RBP2: variants seen among roughly 807,000 people sequenced by gnomAD.
The protein encoded by RBP2 is retinol-binding protein 2.
A neutral mutation model predicts 17.0 loss-of-function variants in RBP2; 17 were observed. That is an observed-to-expected ratio of 1.00 (90% confidence interval 0.68 to 1.50). The LOEUF (loss-of-function observed/expected upper bound fraction) is 1.50, where lower values mean the gene tolerates loss of function less well. Among genes scored for constraint, RBP2 ranks in the 40% most tolerant of loss-of-function variants. The probability of loss-of-function intolerance (pLI) is 0.00; values close to 1 mark genes in which losing one functional copy is unlikely to be tolerated. For synonymous variants in RBP2, 48 were observed against 57.1 expected (o/e 0.84, Z 0.72); for missense variants, 158 against 168.2 (o/e 0.94, Z 0.33).
At position 139,462,178 on chromosome 3, in the gene RBP2, A is replaced by G. The variant is rs1479344439; in HGVS notation, c.186T>C (p.Asp62=). Residue 62 remains aspartate (D), a synonymous_variant, in exon 2 of 4, where the codon GAT becomes GAC. Coordinates refer to ENST00000232217, the MANE Select transcript of RBP2 (RefSeq NM_004164.3). ...ACTCTACTCCAACAGTGAAATCCACATCATAGTTGCGGAATGTGCTAGTGG... is the reference window on the plus strand; with the variant it reads ...ACTCTACTCCAACAGTGAAATCCACGTCATAGTTGCGGAATGTGCTAGTGG... ...TKTTSTFRNY[D]VDFTVGVEFD... 9 of 1,614,054 alleles carry G rather than the reference A, an allele frequency of 5.6e-6. No individual in the cohort carries two copies. The highest frequency in any genetic ancestry group is 5.5e-5 in the South Asian group (5 of 91,088).
Position 139,453,694 on chromosome 3 carries a change from G to T in RBP2, c.355-528C>A, listed in dbSNP as rs528196834. 2.6e-5 allele frequency among the ~76,000 whole-genome samples: 4 copies of T among 152,328 alleles called. No individual in the cohort carries two copies. The East Asian group carries it at 7.7e-4, about 29-fold the overall frequency. On this transcript the variant is annotated intron_variant, in intron 3 of 3. Coordinates refer to ENST00000232217, the MANE Select transcript of RBP2 (RefSeq NM_004164.3). ...CAAGGTCCCGCTTTTCATCCAGATA[G>T]AGGGAGCCCAGGCCTTATTTGACCC... is the stretch of plus-strand genomic sequence containing the variant.
chr3:139,454,888 C>A, intron 2 of RBP2, 58 bp from the exon 3 acceptor site: 2 of 1,517,336 alleles, frequency 1.3e-6, no homozygotes, highest in Middle Eastern at 1.7e-4. Flanking sequence ...CTGAACAAAT[C>A]TAAACCTGCA....
intron 1 of RBP2, among the ~76,000 whole-genome samples, chr3:139,462,933 A>T (rs1933241806): frequency 6.6e-6 from 1 of 152,096 alleles, no homozygotes; most frequent in Non-Finnish European, 1.5e-5. Context: ...TCCTGGGCTC[A>T]AGTGATCCTC....
chr3:139,474,246 G>C (rs1401435340), intron 1 of RBP2, among the ~76,000 whole-genome samples: 2 of 152,176 alleles, frequency 1.3e-5, no homozygotes, highest in African/African-American at 4.8e-5. Flanking sequence ...GGTGTAAGTT[G>C]ATGTGAAAAG....
chr3:139,475,783 A>G (rs937041225), intron 1 of RBP2, among the ~76,000 whole-genome samples: 2 of 152,134 alleles, frequency 1.3e-5, no homozygotes, highest in African/African-American at 4.8e-5. Context: ...TGCCAGTTCC[A>G]CAGGGAACCC....
intron 1 of RBP2, among the ~76,000 whole-genome samples, chr3:139,468,240 CAGTTAGGATAG>C (rs1933429434): frequency 6.6e-6 from 1 of 152,174 alleles, no homozygotes; most frequent in African/African-American, 2.4e-5. Context: ...CAGAGCTACC[CAGTTAGGATAG>C]CACTCCTGAC....
chr3:139,474,702 TAAA>T (rs1033640935), intron 1 of RBP2, among the ~76,000 whole-genome samples: 17 of 152,292 alleles, frequency 1.1e-4, no homozygotes, highest in East Asian at 3.9e-4. Context: ...TCCAAAAGGT[TAAA>T]AAACTGGTTC....
intron 1 of RBP2, among the ~76,000 whole-genome samples, chr3:139,471,864 A>C (rs562747236): frequency 1.3e-5 from 2 of 151,906 alleles, no homozygotes; most frequent in East Asian, 3.9e-4. Flanking sequence ...TGGTCTATTC[A>C]CTCTATCTCT....
rs1339294161 is a variant in RBP2 at position 139,469,679 on chromosome 3, GTCTGTCTGTCTA to G, written c.73+6696_73+6707del. ...CAGACATCTATCTGTCTGTCTGTCT[GTCTGTCTGTCTA>G]TCTATCTATCTATCTATCTATCTAT... On this transcript the variant is annotated intron_variant, in intron 1 of 3. Coordinates refer to ENST00000232217, the MANE Select transcript of RBP2 (RefSeq NM_004164.3). Among the ~76,000 whole-genome samples the G allele has an allele frequency of 2.8e-3, 364 of 130,930 alleles. 4 individuals are homozygous for G. The highest frequency in any genetic ancestry group is 9.6e-3 in the African/African-American group (337 of 35,274). 85.9% of individuals were successfully genotyped at this position (130,930 alleles called of 152,430 possible).
chr3:139,472,181 G>A (rs555672743), intron 1 of RBP2, among the ~76,000 whole-genome samples: 4 of 152,206 alleles, frequency 2.6e-5, no homozygotes, highest in Middle Eastern at 3.4e-3. Flanking sequence ...TCCATGTACT[G>A]TAGCTCCTTT....
intron 1 of RBP2, among the ~76,000 whole-genome samples, chr3:139,470,828 C>T (rs189639238): frequency 2.8e-3 from 427 of 152,144 alleles, no homozygotes; most frequent in Non-Finnish European, 4.9e-3. Context: ...CTCATGTCAC[C>T]CTCTTGCCTT....
At position 139,460,296 on chromosome 3, in the gene RBP2, A is replaced by G. The variant is rs115049445; in HGVS notation, c.252+1816T>C. Among the ~76,000 whole-genome samples, 945 of 152,298 alleles carry G rather than the reference A, an allele frequency of 6.2e-3. 10 individuals carry two copies. Among genetic ancestry groups the G allele is most frequent in the African/African-American group, 0.021 (871 of 41,580 alleles). ...AGGCTTGTTGATCCATTATCCCCTCAGGGAGGGGTTCCATAAGTGGACATT... is the reference window on the plus strand; with the variant it reads ...AGGCTTGTTGATCCATTATCCCCTCGGGGAGGGGTTCCATAAGTGGACATT... On this transcript the variant is annotated intron_variant, in intron 2 of 3. Transcript: ENST00000232217.
At chr3:139,456,733 T>G (rs1289999325) in intron 2 of RBP2, among the ~76,000 whole-genome samples, 1 of 152,218 alleles carries the variant, frequency 6.6e-6, no homozygotes, top group Middle Eastern at 3.2e-3. Context: ...TTTTACTTTT[T>G]GATTTTTTTT....
intron 1 of RBP2, among the ~76,000 whole-genome samples, chr3:139,474,278 T>TA (rs1196951321): frequency 6.6e-6 from 1 of 152,172 alleles, no homozygotes; most frequent in Non-Finnish European, 1.5e-5. Context: ...AGGCTGTTGT[T>TA]AGAGGCAGGA....
At chr3:139,467,439 T>C (rs369894880) in intron 1 of RBP2, among the ~76,000 whole-genome samples, 13 of 152,314 alleles carry the variant, frequency 8.5e-5, no homozygotes, top group African/African-American at 3.1e-4. Context: ...CAAGTGATCA[T>C]GTGCATGCTA....
At chr3:139,470,180 T>G (rs1255599861) in intron 1 of RBP2, among the ~76,000 whole-genome samples, 2 of 152,142 alleles carry the variant, frequency 1.3e-5, no homozygotes, top group Non-Finnish European at 2.9e-5. Flanking sequence ...CCCAGCCTGG[T>G]ACCTCCCCAC....
At chr3:139,459,292 A>G (rs1933099219) in intron 2 of RBP2, among the ~76,000 whole-genome samples, 1 of 151,868 alleles carries the variant, frequency 6.6e-6, no homozygotes, top group African/African-American at 2.4e-5. Flanking sequence ...ATGGTGGCTC[A>G]CGCCTGTAAC....
At chr3:139,475,324 T>TAAAAAAAAA (rs397941333) in intron 1 of RBP2, among the ~76,000 whole-genome samples, 2 of 71,582 alleles carry the variant, frequency 2.8e-5, no homozygotes, top group Non-Finnish European at 5.5e-5. Flanking sequence ...GTCCCCAAAA[T>TAAAAAAAAA]AAAAAAAAAA....
intron 1 of RBP2, among the ~76,000 whole-genome samples, chr3:139,471,387 C>G (rs1252326042): frequency 6.6e-6 from 1 of 152,194 alleles, no homozygotes; most frequent in Non-Finnish European, 1.5e-5. Context: ...GCAGAGACCA[C>G]TTAGATGGGA....
Sources: gnomAD v4.1 joint callset for allele counts (sites outside exome capture counted in the v4.1 genomes callset) on GRCh38, gnomAD v4.1.1 for gene constraint, MANE v1.5 for transcripts, NCBI Gene and HGNC (gene_info 2026-07-23, HGNC 2026-07-21) for gene names.